SLIT3: variants seen among roughly 807,000 people sequenced by gnomAD.
SLIT3 encodes the protein slit guidance ligand 3.
SLIT3 carries 68 observed loss-of-function variants against 184.0 expected under a neutral mutation model. The observed-to-expected ratio is 0.37, with a 90% CI of 0.30 to 0.45. The LOEUF (loss-of-function observed/expected upper bound fraction) is 0.45, where lower values mean the gene tolerates loss of function less well. Ranked by LOEUF, SLIT3 falls within the 20% of genes least tolerant of loss-of-function variation. SLIT3 has a pLI of 1.00. For missense variants in SLIT3, 1,707 were observed against 2,026.0 expected, an observed-to-expected ratio of 0.84 and a Z score of 3.02; for synonymous variants, 831 against 828.6, an observed-to-expected ratio of 1.00 and a Z score of -0.05.
At chr5:168,840,863 T>A (rs1469235098) in intron 6 of SLIT3, among the ~76,000 whole-genome samples, 1 of 152,160 alleles carries the variant, frequency 6.6e-6, no homozygotes, top group Non-Finnish European at 1.5e-5. Flanking sequence ...TCTATGGCAA[T>A]GGCCACGAGT....
intron 35 of SLIT3, chr5:168,666,937 G>A (rs918706482): frequency 6.3e-6 from 4 of 632,052 alleles, no homozygotes; most frequent in African/African-American, 1.8e-5. Context: ...AGCAGGCTTG[G>A]TCCCTTCCTT....
chr5:168,786,381 G>A (rs997726193), intron 11 of SLIT3, among the ~76,000 whole-genome samples: 1 of 152,130 alleles, frequency 6.6e-6, no homozygotes, highest in Non-Finnish European at 1.5e-5. Flanking sequence ...CCTACAGGAC[G>A]TTTCCTTTTA....
At chr5:169,267,466 G>C (rs1766439291) in intron 1 of SLIT3, among the ~76,000 whole-genome samples, 1 of 152,208 alleles carries the variant, frequency 6.6e-6, no homozygotes, top group Non-Finnish European at 1.5e-5. Flanking sequence ...TTGAATGACT[G>C]ATGTTAACTT....
intron 4 of SLIT3, among the ~76,000 whole-genome samples, chr5:169,041,229 T>G (rs1418539207): frequency 1.3e-5 from 2 of 152,226 alleles, no homozygotes; most frequent in African/African-American, 2.4e-5. Context: ...ACTCATTTGC[T>G]CAATCATTTA....
At chr5:168,822,614 T>C (rs2113668189) in intron 7 of SLIT3, among the ~76,000 whole-genome samples, 1 of 152,282 alleles carries the variant, frequency 6.6e-6, no homozygotes. Context: ...GCACTAGAAC[T>C]GCTCTCGGTA....
At position 169,300,382 on chromosome 5, in the gene SLIT3, C is replaced by T; in HGVS notation, c.197+131G>A. On this transcript the variant is annotated intron_variant, in intron 1 of 35. Transcript: ENST00000519560. The surrounding 1 kb of genome is among the most constrained non-coding windows in gnomAD (Gnocchi z 4.1). ...ACCCCCAGCTCGGAGAGTGAGGGAT[C>T]GTATCCAGGAAGGGATGAGAATAGA... 2 of 1,180,788 alleles carry T rather than the reference C, an allele frequency of 1.7e-6. No homozygotes were observed. The highest frequency in any genetic ancestry group is 2.2e-6 in the Non-Finnish European group (2 of 909,402). The allele number at this position is 1,180,788 out of a possible 1,614,324, so 73.1% of individuals were successfully genotyped here. A position where few individuals can be genotyped will look rare whatever the true frequency, so the allele number is the denominator to read the frequency against.
At position 169,033,937 on chromosome 5, in the gene SLIT3, C is replaced by T. The variant is rs28861161; in HGVS notation, c.414-150601G>A. Among the ~76,000 whole-genome samples, 611 of 151,770 alleles carry T rather than the reference C, an allele frequency of 4.0e-3. 3 individuals carry two copies. The highest frequency in any genetic ancestry group is 0.014 in the African/African-American group (573 of 41,362). ...AAGTGATTCTCCTGCCTCAGCCTCC[C>T]GAGTAGCTGGGACTACAGGTGTCCA... On this transcript the variant is annotated intron_variant, in intron 4 of 35. Coordinates refer to ENST00000519560, the MANE Select transcript of SLIT3 (RefSeq NM_003062.4).
intron 4 of SLIT3, among the ~76,000 whole-genome samples, chr5:169,033,658 C>T (rs1487317943): frequency 6.6e-6 from 1 of 152,074 alleles, no homozygotes; most frequent in Non-Finnish European, 1.5e-5. Context: ...GGTATCTCAT[C>T]TGGTTTTGAT....
chr5:169,129,827 TTTG>T (rs1299243656), intron 4 of SLIT3, among the ~76,000 whole-genome samples: 2 of 121,930 alleles, frequency 1.6e-5, no homozygotes, highest in African/African-American at 8.2e-5. Context: ...GGTGGTTTTT[TTTG>T]TTTGTTTGTT....
At chr5:168,682,173 A>C (rs538854285) in intron 32 of SLIT3, among the ~76,000 whole-genome samples, 2 of 152,312 alleles carry the variant, frequency 1.3e-5, no homozygotes, top group East Asian at 3.9e-4. Flanking sequence ...CACTGTGCCC[A>C]ACTGTCCTAA....
At chr5:169,037,405 G>C (rs1477161603) in intron 4 of SLIT3, among the ~76,000 whole-genome samples, 1 of 152,202 alleles carries the variant, frequency 6.6e-6, no homozygotes, top group Non-Finnish European at 1.5e-5. Context: ...TAAAGGGAGA[G>C]AAAGCTACTT....
intron 7 of SLIT3, among the ~76,000 whole-genome samples, chr5:168,820,244 C>T (rs1757479483): frequency 6.6e-6 from 1 of 152,184 alleles, no homozygotes; most frequent in Admixed American, 6.5e-5. Context: ...GGCTCCTGGG[C>T]TGTGCAGAGG....
At chr5:168,810,150 A>G (rs1757114590) in intron 8 of SLIT3, among the ~76,000 whole-genome samples, 1 of 152,234 alleles carries the variant, frequency 6.6e-6, no homozygotes, top group Non-Finnish European at 1.5e-5. Flanking sequence ...AGGAGGACAA[A>G]GTAAGGAAAC....
chr5:169,093,926 G>C (rs1759681340), intron 4 of SLIT3, among the ~76,000 whole-genome samples: 2 of 152,168 alleles, frequency 1.3e-5, no homozygotes. Context: ...TATCTAAATA[G>C]AAGTAATACC....
rs185276396 is a variant in SLIT3 at position 168,881,651 on chromosome 5, T to A, written c.485+1614A>T. ...AATTAACATAGTTGTTTTTGGTTCA[T>A]GTGAACAGTCTTGAGTTCTTGGAAT... On this transcript the variant is annotated intron_variant, in intron 5 of 35. Transcript: ENST00000519560. Among the ~76,000 whole-genome samples, 476 of 152,302 alleles carry A rather than the reference T, an allele frequency of 3.1e-3. 3 individuals carry two copies. Among genetic ancestry groups the A allele is most frequent in the African/African-American group, 0.011 (453 of 41,566 alleles).
chr5:168,689,423 T>C (rs1761843882), intron 29 of SLIT3, among the ~76,000 whole-genome samples: 1 of 152,250 alleles, frequency 6.6e-6, no homozygotes, highest in Non-Finnish European at 1.5e-5. Flanking sequence ...ATCTGGAGTC[T>C]CTGGATTTAG....
intron 4 of SLIT3, among the ~76,000 whole-genome samples, chr5:169,151,801 T>C (rs564688484): frequency 3.3e-4 from 51 of 152,242 alleles, no homozygotes; most frequent in Non-Finnish European, 5.9e-4. Context: ...CAGGAAAAGA[T>C]AGAGAAAGAG....
chr5:169,023,144 G>A (rs937924964), intron 4 of SLIT3, among the ~76,000 whole-genome samples: 2 of 152,090 alleles, frequency 1.3e-5, no homozygotes, highest in Non-Finnish European at 2.9e-5. Context: ...CATTTTGGAT[G>A]TCTTTTTTAG....
chr5:168,792,504 T>C (rs921891583), intron 10 of SLIT3, among the ~76,000 whole-genome samples: 1 of 152,186 alleles, frequency 6.6e-6, no homozygotes, highest in Admixed American at 6.5e-5. Context: ...ATAAACTGGA[T>C]GACCAAGAAG....
Sources: gnomAD v4.1 joint callset for allele counts (sites outside exome capture counted in the v4.1 genomes callset) on GRCh38, gnomAD v4.1.1 for gene constraint, Gnocchi (gnomAD v3.1) non-coding constraint, MANE v1.5 for transcripts, NCBI Gene and HGNC (gene_info 2026-07-23, HGNC 2026-07-21) for gene names.